SPATA13: variants seen among roughly 807,000 people sequenced by gnomAD.
SPATA13 encodes the protein spermatogenesis-associated protein 13.
A neutral mutation model predicts 104.0 loss-of-function variants in SPATA13; 50 were observed. The observed-to-expected ratio is 0.48, with a 90% CI of 0.38 to 0.61. The LOEUF (loss-of-function observed/expected upper bound fraction) is 0.61, where lower values mean the gene tolerates loss of function less well. SPATA13 is among the 20% of genes least tolerant of loss of function. The pLI, the probability that SPATA13 is intolerant of heterozygous loss-of-function variation, is 0.00. For synonymous variants in SPATA13, 606 were observed against 667.5 expected, an observed-to-expected ratio of 0.91 and a Z score of 1.42; for missense variants, 1,524 against 1,690.6, an observed-to-expected ratio of 0.90 and a Z score of 1.73.
intron 3 of SPATA13, among the ~76,000 whole-genome samples, chr13:24,045,846 C>T (rs1878124631): frequency 6.6e-6 from 1 of 152,184 alleles, no homozygotes; most frequent in South Asian, 2.1e-4. Flanking sequence ...GGTCAGGTAG[C>T]AGGTGTGTGG....
intron 1 of SPATA13, among the ~76,000 whole-genome samples, chr13:24,186,328 A>C (rs1004120987): frequency 2.0e-5 from 3 of 152,206 alleles, no homozygotes; most frequent in African/African-American, 7.2e-5. Flanking sequence ...TGGATGCTAC[A>C]CCAGCAATTA....
At chr13:24,142,118 T>C (rs1881782329) in intron 3 of SPATA13, among the ~76,000 whole-genome samples, 1 of 151,762 alleles carries the variant, frequency 6.6e-6, no homozygotes, top group African/African-American at 2.4e-5. Flanking sequence ...AGGTTTTTTT[T>C]TTTTAGCTTT....
chr13:24,284,452 A>G (rs1875775305), intron 5 of SPATA13, among the ~76,000 whole-genome samples, 181 bp downstream of exon 5: 1 of 152,170 alleles, frequency 6.6e-6, no homozygotes, highest in South Asian at 2.1e-4. Context: ...TTAGTGGTCA[A>G]GAGTTTAAGA....
At chr13:24,247,573 G>A (rs1036076120) in intron 2 of SPATA13, among the ~76,000 whole-genome samples, 14 of 135,640 alleles carry the variant, frequency 1.0e-4, no homozygotes, top group Non-Finnish European at 1.8e-4. Context: ...TCCACCTCCC[G>A]TGTTCAAGTG....
At position 24,297,710 on chromosome 13, in the gene SPATA13, G is replaced by A. The variant is rs746571172; in HGVS notation, c.3558G>A (p.Arg1186=). 1 of 1,612,996 alleles carries A rather than the reference G, an allele frequency of 6.2e-7. No homozygotes were observed. The highest frequency in any genetic ancestry group is 1.1e-5 in the South Asian group (1 of 91,052). ...RWLQACADER[R]RVQEDKEMGM... Reference sequence around the variant, plus strand: ...TGCAGGCCTGTGCAGATGAAAGGAGGCGGGTGCAAGAGGACAAGGAGATGG... The same window carrying A: ...TGCAGGCCTGTGCAGATGAAAGGAGACGGGTGCAAGAGGACAAGGAGATGG... The change falls in exon 11 of 13, where the codon AGG becomes AGA. Residue 1186 remains arginine, a synonymous_variant. Transcript: ENST00000382108.
chr13:24,001,694 C>A (rs115711176), intron 2 of SPATA13, among the ~76,000 whole-genome samples: 1 of 151,614 alleles, frequency 6.6e-6, no homozygotes, highest in African/African-American at 2.4e-5. Flanking sequence ...TGGATACTGG[C>A]AGGGATGTTC....
At chr13:24,227,213 T>C (rs1228609075) in intron 2 of SPATA13, among the ~76,000 whole-genome samples, 1 of 152,214 alleles carries the variant, frequency 6.6e-6, no homozygotes. Flanking sequence ...AAAAAGGATT[T>C]GTATATGTCT....
At chr13:24,295,622 G>A (rs1269525199) in intron 10 of SPATA13, among the ~76,000 whole-genome samples, 1 of 150,532 alleles carries the variant, frequency 6.6e-6, no homozygotes, top group Non-Finnish European at 1.5e-5. Flanking sequence ...AAAAAAAAAA[G>A]GAAAGACCAC....
chr13:24,037,951 A>T (rs7328922), intron 3 of SPATA13, among the ~76,000 whole-genome samples: 2 of 151,408 alleles, frequency 1.3e-5, no homozygotes, highest in African/African-American at 2.4e-5. Context: ...TCGCTCTGTC[A>T]CCCAGGCTGC....
At chr13:24,158,721 A>C (rs1593366636), upstream of SPATA13, among the ~76,000 whole-genome samples, 1 of 149,862 alleles carries the variant, frequency 6.7e-6, no homozygotes, top group South Asian at 2.1e-4. Flanking sequence ...TGCTAAGTTG[A>C]TAGATAGTAA....
At chr13:24,055,314 G>T (rs748794974) in intron 3 of SPATA13, among the ~76,000 whole-genome samples, 1 of 152,190 alleles carries the variant, frequency 6.6e-6, no homozygotes, top group African/African-American at 2.4e-5. Context: ...CGGGTACAGT[G>T]CATCGTGTAA....
At chr13:24,199,979 T>C (rs776741504) in intron 1 of SPATA13, among the ~76,000 whole-genome samples, 3 of 152,234 alleles carry the variant, frequency 2.0e-5, no homozygotes, top group Non-Finnish European at 4.4e-5. Context: ...GTTCCAATCC[T>C]ATCTCCTTTA....
chr13:24,295,876 A>G (rs1876745101), intron 10 of SPATA13, among the ~76,000 whole-genome samples: 1 of 152,160 alleles, frequency 6.6e-6, no homozygotes, highest in African/African-American at 2.4e-5. Flanking sequence ...CAGAAAGGTT[A>G]AATAACTTGC....
Position 23,991,804 on chromosome 13 carries a change from G to T in SPATA13, c.-147+7871G>T, listed in dbSNP as rs1313746449. ...CTGAGTTGGGGGCAGGTGGGCTGGG[G>T]TTGGGAGGTGGGTGAGTGGGTTGCT... On this transcript the variant is annotated intron_variant, in intron 2 of 14. Transcript: ENST00000424834. 3.9e-5 allele frequency among the ~76,000 whole-genome samples: 6 copies of T among 152,224 alleles called. No homozygotes were observed. The South Asian group carries it at 1.0e-3, about 26-fold the overall frequency.
chr13:24,054,739 A>G (rs1209516105), intron 3 of SPATA13, among the ~76,000 whole-genome samples: 2 of 152,268 alleles, frequency 1.3e-5, no homozygotes, highest in South Asian at 2.1e-4. Context: ...ACTACCTCAC[A>G]GGAGAAAAGG....
intron 3 of SPATA13, among the ~76,000 whole-genome samples, chr13:24,127,730 G>A (rs1482527853): frequency 6.6e-6 from 1 of 152,150 alleles, no homozygotes; most frequent in African/African-American, 2.4e-5. Flanking sequence ...ACAGTGATCA[G>A]GTTCTGAAAA....
intron 3 of SPATA13, among the ~76,000 whole-genome samples, chr13:24,068,925 A>G (rs1879064044): frequency 6.6e-6 from 1 of 152,138 alleles, no homozygotes; most frequent in Admixed American, 6.5e-5. Flanking sequence ...TGTTGGATGC[A>G]TATTTGTGAA....
At chr13:24,059,638 A>G (rs1192582130) in intron 3 of SPATA13, among the ~76,000 whole-genome samples, 3 of 152,218 alleles carry the variant, frequency 2.0e-5, no homozygotes, top group Non-Finnish European at 2.9e-5. Context: ...AGTGCTTTCA[A>G]GTAAGTATAA....
chr13:24,082,448 CTTTGGAGAGTTTTGTCCACCA>C (rs1879553698), intron 3 of SPATA13, among the ~76,000 whole-genome samples: 1 of 152,182 alleles, frequency 6.6e-6, no homozygotes, highest in South Asian at 2.1e-4. Context: ...TTGAGTTGCT[CTTTGGAGAGTTTTGTCCACCA>C]CAGTGGGATA....
Sources: allele counts gnomAD v4.1 joint callset (sites outside exome capture counted in the v4.1 genomes callset), GRCh38; gene constraint gnomAD v4.1.1; transcripts MANE v1.5; gene names NCBI Gene and HGNC (gene_info 2026-07-23, HGNC 2026-07-21).